Variants in CUX2 observed in about 807,000 individuals in gnomAD.
CUX2 encodes the protein cut like homeobox 2.
A neutral mutation model predicts 144.8 loss-of-function variants in CUX2; 40 were observed. That is an observed-to-expected ratio of 0.28 (90% CI 0.21 to 0.36). The LOEUF (loss-of-function observed/expected upper bound fraction) is 0.36. Ranked by LOEUF, CUX2 falls within the 10% of genes least tolerant of loss-of-function variation. CUX2 has a pLI of 1.00. For missense variants in CUX2, 1,615 were observed against 1,994.0 expected (o/e 0.81, Z 3.62); for synonymous variants, 827 against 875.6 (o/e 0.94, Z 0.98).
At chr12:111,309,367 G>T (rs1886757796) in intron 14 of CUX2, among the ~76,000 whole-genome samples, 1 of 152,198 alleles carries the variant, frequency 6.6e-6, no homozygotes, top group Admixed American at 6.5e-5. Context: ...ATCTGCAGGT[G>T]GTGGCAAGTT....
chr12:111,348,078 G>A lies in CUX2; in HGVS notation c.4214G>A (p.Gly1405Asp), dbSNP rs764848438. 1.9e-6 allele frequency: 3 copies of A among 1,613,914 alleles called. No homozygotes were observed. In the African/African-American group the frequency reaches 4.0e-5, roughly 22 times the overall value. ...TCGCCCTCGGCCGCCTCCTCACCAG[G>A]CCTCATGATGTCTGTGTCACCTGTC... ...LNSPSAASSP[G>D]LMMSVSPVPS... The change falls in exon 22 of 22, where the codon GGC becomes GAC. Residue 1405 changes from glycine (G) to aspartate (D), a missense_variant. Transcript: ENST00000261726.
Position 111,171,173 on chromosome 12 carries a change from A to C in CUX2, c.64-43027A>C, listed in dbSNP as rs146067035. Reference sequence around the variant, plus strand: ...CCACTTGGGGGTGACAGAGATGGAGAAGTTGGGCAACCCCCAGTCTGATGG... The same window carrying C: ...CCACTTGGGGGTGACAGAGATGGAGCAGTTGGGCAACCCCCAGTCTGATGG... On this transcript the variant is annotated intron_variant, in intron 1 of 21. Transcript: ENST00000261726. The surrounding 1 kb of genome is among the most constrained non-coding windows in gnomAD (Gnocchi z 5.0). 1.5e-3 allele frequency among the ~76,000 whole-genome samples: 222 copies of C among 151,888 alleles called. 1 individual carries two copies. Among genetic ancestry groups the C allele is most frequent in the African/African-American group, 4.9e-3 (202 of 41,392 alleles).
At chr12:111,072,234 TC>T (rs1227824220) in intron 1 of CUX2, among the ~76,000 whole-genome samples, 2 of 152,260 alleles carry the variant, frequency 1.3e-5, no homozygotes, top group Non-Finnish European at 2.9e-5. Context: ...TATTGAGTCT[TC>T]CTATCCATGA....
intron 3 of CUX2, among the ~76,000 whole-genome samples, chr12:111,220,961 A>AC (rs1881826041): frequency 1.4e-5 from 2 of 143,558 alleles, no homozygotes; most frequent in Non-Finnish European, 3.0e-5. Flanking sequence ...AAAAAAAAAA[A>AC]GGAAAAAGGA....
chr12:111,347,650 C>T lies in CUX2; in HGVS notation c.3786C>T (p.Asp1262=), dbSNP rs768576348. The stretch of plus-strand genomic sequence containing the variant: ...CAGACCCCACCCCGCAGAGCCCTGA[C>T]TCTGAGACTGAGGACCAGAAGCCAA... ...SHPDPTPQSP[D]SETEDQKPTV... is the part of the protein sequence containing the mutation. Residue 1262 remains aspartate, a synonymous_variant, in exon 22 of 22, where the codon GAC becomes GAT. Transcript: ENST00000261726. 6.3e-7 allele frequency: 1 copy of T among 1,578,816 alleles called. No homozygotes were observed. The highest frequency in any genetic ancestry group is 1.1e-5 in the South Asian group (1 of 90,522).
At chr12:111,299,491 G>A (rs1192450644) in intron 9 of CUX2, among the ~76,000 whole-genome samples, 1 of 152,010 alleles carries the variant, frequency 6.6e-6, no homozygotes, top group Non-Finnish European at 1.5e-5. Context: ...ACCAGAAGGT[G>A]CAGGCCTGGG....
intron 18 of CUX2, among the ~76,000 whole-genome samples, chr12:111,331,691 G>A (rs1029361608): frequency 2.0e-5 from 3 of 152,088 alleles, no homozygotes; most frequent in African/African-American, 7.2e-5. Context: ...ATGGAAGGAC[G>A]GAGGCTTGGC....
intron 6 of CUX2, among the ~76,000 whole-genome samples, chr12:111,294,190 C>T (rs1053040267): frequency 6.6e-6 from 1 of 152,182 alleles, no homozygotes; most frequent in African/African-American, 2.4e-5. Context: ...TCACTGCAAC[C>T]TCCACGTTCC....
At chr12:111,326,703 A>G (rs1401487336) in intron 18 of CUX2, among the ~76,000 whole-genome samples, 1 of 152,076 alleles carries the variant, frequency 6.6e-6, no homozygotes, top group Non-Finnish European at 1.5e-5. Flanking sequence ...CAGGAATTTG[A>G]GACCAGCCTG....
At chr12:111,230,602 T>C (rs1882419996) in intron 3 of CUX2, among the ~76,000 whole-genome samples, 1 of 152,136 alleles carries the variant, frequency 6.6e-6, no homozygotes, top group Non-Finnish European at 1.5e-5. Flanking sequence ...AAGACCTGGG[T>C]CCCAGCTCAC....
At chr12:111,069,522 G>C (rs959987213) in intron 1 of CUX2, among the ~76,000 whole-genome samples, 1 of 132,556 alleles carries the variant, frequency 7.5e-6, no homozygotes, top group Non-Finnish European at 1.6e-5. Context: ...GCCTTGCTCT[G>C]TGTGTGTGTG....
chr12:111,118,785 A>G (rs1874451427), intron 1 of CUX2, among the ~76,000 whole-genome samples: 1 of 152,240 alleles, frequency 6.6e-6, no homozygotes, highest in South Asian at 2.1e-4. Flanking sequence ...GCTTAAAAAA[A>G]TACAGATATA....
At chr12:111,125,131 T>C (rs892960327) in intron 1 of CUX2, among the ~76,000 whole-genome samples, 32 of 152,030 alleles carry the variant, frequency 2.1e-4, no homozygotes, top group Non-Finnish European at 3.8e-4. Context: ...TCTCAGCCCC[T>C]AGGAGCCACC....
chr12:111,256,075 C>T (rs1883801679), intron 3 of CUX2, among the ~76,000 whole-genome samples: 1 of 152,096 alleles, frequency 6.6e-6, no homozygotes, highest in Non-Finnish European at 1.5e-5. Flanking sequence ...GCCCCTCCCC[C>T]TCTGGTACAT....
chr12:111,194,803 T>G (rs1254657997), intron 1 of CUX2, among the ~76,000 whole-genome samples: 1 of 152,246 alleles, frequency 6.6e-6, no homozygotes, highest in African/African-American at 2.4e-5. Context: ...GCTGATTACA[T>G]GAGCAGATCC....
At chr12:111,065,189 T>A (rs1870967355) in intron 1 of CUX2, among the ~76,000 whole-genome samples, 1 of 152,254 alleles carries the variant, frequency 6.6e-6, no homozygotes, top group Non-Finnish European at 1.5e-5. Flanking sequence ...TTTTTCACTT[T>A]GCAGACTACA....
chr12:111,281,708 G>A (rs893844954), intron 4 of CUX2, among the ~76,000 whole-genome samples: 4 of 152,216 alleles, frequency 2.6e-5, no homozygotes, highest in African/African-American at 9.6e-5. Flanking sequence ...CAGACTCCTA[G>A]GGGGAGGGTC....
At chr12:111,065,069 A>G (rs925535378) in intron 1 of CUX2, among the ~76,000 whole-genome samples, 6 of 152,120 alleles carry the variant, frequency 3.9e-5, no homozygotes, top group Admixed American at 3.3e-4. Context: ...CCAGTTCCCC[A>G]TGTGTTTTGT....
rs917223919 is a variant in CUX2 at position 111,350,432 on chromosome 12, G to C, written c.*2107G>C. On this transcript the variant is annotated 3_prime_UTR_variant, in exon 22 of 22. Coordinates refer to ENST00000261726, the MANE Select transcript of CUX2 (RefSeq NM_015267.4). ...TTTGTCAGGTTCACGTCCTATAACG[G>C]TTAAAAAACACACACACACATACAC... The C allele has an allele frequency of 1.1e-4, 16 of 152,328 alleles. No individual in the cohort carries two copies. The highest frequency in any genetic ancestry group is 2.1e-4 in the Non-Finnish European group (14 of 68,022). 9.4% of individuals were successfully genotyped at this position (152,328 alleles called of 1,614,324 possible).
Sources: allele counts gnomAD v4.1 joint callset (sites outside exome capture counted in the v4.1 genomes callset), GRCh38; gene constraint gnomAD v4.1.1; non-coding constraint Gnocchi (gnomAD v3.1); transcripts MANE v1.5; gene names NCBI Gene and HGNC (gene_info 2026-07-23, HGNC 2026-07-21).